Variants in FCHO2 observed in about 807,000 individuals in gnomAD.
The protein encoded by FCHO2 is FCH and mu domain containing endocytic adaptor 2.
In FCHO2, 43 loss-of-function variants were observed where a neutral mutation model predicts 114.1. That is an observed-to-expected ratio of 0.38 (90% CI 0.30 to 0.49). The LOEUF (loss-of-function observed/expected upper bound fraction) is 0.49, where lower values mean the gene tolerates loss of function less well. FCHO2 is among the 20% of genes least tolerant of loss of function. The probability of loss-of-function intolerance (pLI) is 0.97; values close to 1 mark genes in which losing one functional copy is unlikely to be tolerated. For synonymous variants in FCHO2, 293 were observed against 315.2 expected (o/e 0.93, Z 0.75); for missense variants, 807 against 950.4 (o/e 0.85, Z 1.98).
Position 72,965,002 on chromosome 5 carries a change from A to G in FCHO2, c.34-3496A>G, listed in dbSNP as rs6888982. Among the ~76,000 whole-genome samples, 847 of 151,780 alleles carry G rather than the reference A, an allele frequency of 5.6e-3. 14 individuals are homozygous for G. Among genetic ancestry groups the G allele is most frequent in the African/African-American group, 0.02 (813 of 41,274 alleles). ...ACTTAGCAGCCATCTTGGTTATCAG[A>G]TTAAAAAAAAAAAACAGTGTATAAA... is the stretch of plus-strand genomic sequence containing the variant. On this transcript the variant is annotated intron_variant, in intron 1 of 25. Transcript: ENST00000430046.
In FCHO2 at chr5:73,052,469, G is replaced by T; in HGVS notation, c.1135G>T (p.Val379Leu). The T allele has an allele frequency of 6.3e-7, 1 of 1,596,678 alleles. No individual in the cohort carries two copies. Among genetic ancestry groups the T allele is most frequent in the East Asian group, 2.2e-5 (1 of 44,522 alleles). Residue 379 changes from valine (V) to leucine (L), a missense_variant, in exon 13 of 26, where the codon GTA (valine) becomes TTA (leucine). By Grantham distance (32) the Val-to-Leu change is conservative. Coordinates refer to ENST00000430046, the MANE Select transcript of FCHO2 (RefSeq NM_138782.3). ...HTMASLDELK[V>L]SIGNITLSPA... ...AATGGCTTCTTTGGATGAATTAAAA[G>T]TATCTATAGGGAATATAACACTCTC... is the stretch of plus-strand genomic sequence containing the variant.
At chr5:73,065,811 A>T (rs1260299051) in intron 18 of FCHO2, among the ~76,000 whole-genome samples, 1 of 151,980 alleles carries the variant, frequency 6.6e-6, no homozygotes, top group Non-Finnish European at 1.5e-5. Flanking sequence ...ATACCGGCAG[A>T]ATCTGGGCTT....
At chr5:73,006,605 A>C (rs1754734455) in intron 6 of FCHO2, 56 bp downstream of exon 6, 1 of 1,196,256 alleles carries the variant, frequency 8.4e-7, no homozygotes, top group African/African-American at 1.6e-5. Flanking sequence ...GTGTATATTG[A>C]TTAATTTTTC....
intron 18 of FCHO2, among the ~76,000 whole-genome samples, chr5:73,068,054 T>C (rs1308996539): frequency 9.2e-5 from 14 of 151,974 alleles, no homozygotes; most frequent in Non-Finnish European, 2.1e-4. Flanking sequence ...TGTGAACAGA[T>C]TTGTAAACAC....
intron 1 of FCHO2, among the ~76,000 whole-genome samples, chr5:72,967,567 T>C (rs1190777827): frequency 1.3e-5 from 2 of 152,162 alleles, no homozygotes; most frequent in African/African-American, 4.8e-5. Context: ...TTTTGAAAGG[T>C]CCATGTTTAT....
At chr5:73,077,943 CT>C (rs764074418) in intron 21 of FCHO2, among the ~76,000 whole-genome samples, 2 of 152,216 alleles carry the variant, frequency 1.3e-5, no homozygotes, top group South Asian at 4.1e-4. Flanking sequence ...TTTCTGCTGT[CT>C]TTTTATTTTG....
intron 5 of FCHO2, among the ~76,000 whole-genome samples, chr5:73,001,483 A>C (rs1233208276): frequency 3.3e-5 from 5 of 151,012 alleles, no homozygotes; most frequent in African/African-American, 1.2e-4. Context: ...AAATGAAAAG[A>C]AATTTCTTTA....
At chr5:73,044,314 C>T (rs998883546) in intron 11 of FCHO2, among the ~76,000 whole-genome samples, 6 of 152,208 alleles carry the variant, frequency 3.9e-5, no homozygotes, top group African/African-American at 1.4e-4. Context: ...TCATAGCTCA[C>T]TTCAGCCTCG....
At chr5:73,011,496 A>G (rs1371450228) in intron 6 of FCHO2, among the ~76,000 whole-genome samples, 2 of 152,146 alleles carry the variant, frequency 1.3e-5, no homozygotes, top group East Asian at 1.9e-4. Flanking sequence ...TTTCCTAAAA[A>G]CTAAGACACA....
rs1301541826 is a variant in FCHO2 at position 73,041,281 on chromosome 5, G to A, written c.915-10G>A. 3.4e-6 allele frequency: 5 copies of A among 1,471,596 alleles called. No homozygotes were observed. Among genetic ancestry groups the A allele is most frequent in the Non-Finnish European group, 9.5e-7 (1 of 1,057,790 alleles). 91.2% of individuals were successfully genotyped at this position (1,471,596 alleles called of 1,614,324 possible). A position where few individuals can be genotyped will look rare whatever the true frequency, so the allele number is the denominator to read the frequency against. ...AATTATTGAGTATTTCTGATATTTT[G>A]TTTTAATAGGGAATGTCCTGATGCA... On this transcript the variant is annotated splice_polypyrimidine_tract_variant and intron_variant, in intron 10 of 25. Transcript: ENST00000430046.
At chr5:73,068,931 G>A (rs1742497932) in intron 19 of FCHO2, among the ~76,000 whole-genome samples, 152 bp downstream of exon 19, 1 of 152,042 alleles carries the variant, frequency 6.6e-6, no homozygotes, top group African/African-American at 2.4e-5. Flanking sequence ...AACTGTCCAT[G>A]CTTTGCTTTT....
At position 73,020,629 on chromosome 5, in the gene FCHO2, TAGA is replaced by T; in HGVS notation, c.796+3324_796+3326del. 3.7e-6 allele frequency: 3 copies of T among 816,700 alleles called. No individual in the cohort carries two copies. The South Asian group carries it at 4.3e-5, about 12-fold the overall frequency. The allele number at this position is 816,700 out of a possible 1,614,324, so 50.6% of individuals were successfully genotyped here. On this transcript the variant is annotated intron_variant, in intron 8 of 25. Transcript: ENST00000430046. ...AATGATGGGTTGGAGGTGGGGTTGG[TAGA>T]AGGAGGACTTTCAAGTTCCAGTTAT...
chr5:72,978,658 G>A (rs527760833), intron 2 of FCHO2, among the ~76,000 whole-genome samples: 1 of 152,248 alleles, frequency 6.6e-6, no homozygotes, highest in Non-Finnish European at 1.5e-5. Context: ...GAATAAGAGT[G>A]GTGAGAGAGG....
intron 18 of FCHO2, 57 bp downstream of exon 18, chr5:73,064,001 C>T: frequency 7.1e-7 from 1 of 1,411,652 alleles, no homozygotes; most frequent in South Asian, 1.2e-5. Context: ...GATGCAAATG[C>T]TATTTTTCTA....
intron 10 of FCHO2, among the ~76,000 whole-genome samples, chr5:73,037,500 A>G (rs1756579402): frequency 3.3e-5 from 5 of 152,094 alleles, no homozygotes; most frequent in Admixed American, 3.3e-4. Flanking sequence ...AAAATGATAA[A>G]TGCATATTTT....
chr5:73,059,907 G>A (rs1044284662), intron 17 of FCHO2, among the ~76,000 whole-genome samples: 3 of 151,924 alleles, frequency 2.0e-5, no homozygotes, highest in African/African-American at 7.2e-5. Context: ...ATGGCATTTT[G>A]TATTTAGAAT....
chr5:73,020,972 G>T (rs1580117092), intron 8 of FCHO2: 8 of 1,595,650 alleles, frequency 5.0e-6, no homozygotes, highest in Non-Finnish European at 2.6e-6. Context: ...AGTGGTTCGG[G>T]TCCATTCACA....
rs1367438787 is a variant in FCHO2, at chr5:73,083,454, T to G, written c.2245+629T>G. Among the ~76,000 whole-genome samples, 3 of 152,198 alleles carry G rather than the reference T, an allele frequency of 2.0e-5. No homozygotes were observed. The East Asian group carries it at 5.8e-4, about 29-fold the overall frequency. On this transcript the variant is annotated intron_variant, in intron 24 of 25. Transcript: ENST00000430046. ...CATGCTAACATTAAGAAACTATACCTAGTAAATTTAAAGAAATAGAACTCT... is the reference window on the plus strand; with the variant it reads ...CATGCTAACATTAAGAAACTATACCGAGTAAATTTAAAGAAATAGAACTCT...
intron 9 of FCHO2, among the ~76,000 whole-genome samples, chr5:73,036,257 G>A (rs1032743946): frequency 6.6e-6 from 1 of 152,094 alleles, no homozygotes; most frequent in African/African-American, 2.4e-5. Flanking sequence ...TTTACTCCTC[G>A]GTTATGGTAG....
Sources: gnomAD v4.1 joint callset for allele counts (sites outside exome capture counted in the v4.1 genomes callset) on GRCh38, gnomAD v4.1.1 for gene constraint, MANE v1.5 for transcripts, NCBI Gene and HGNC (gene_info 2026-07-23, HGNC 2026-07-21) for gene names.